METTL25: variants seen among roughly 807,000 people sequenced by gnomAD.
METTL25 encodes the protein probable methyltransferase-like protein 25.
METTL25 carries 64 observed loss-of-function variants against 71.6 expected under a neutral mutation model. The observed-to-expected ratio is 0.89, with a 90% CI of 0.73 to 1.10. The LOEUF is 1.10. Among genes scored for constraint, METTL25 ranks in the 50% least tolerant of loss-of-function variants. The pLI, the probability that METTL25 is intolerant of heterozygous loss-of-function variation, is 0.00. For synonymous variants in METTL25, 287 were observed against 250.3 expected (o/e 1.15, Z -1.38); for missense variants, 807 against 707.0 (o/e 1.14, Z -1.60).
At chr12:82,398,379 C>T (rs1247545093) in intron 3 of METTL25, among the ~76,000 whole-genome samples, 1 of 151,828 alleles carries the variant, frequency 6.6e-6, no homozygotes, top group Non-Finnish European at 1.5e-5. Flanking sequence ...CCAAGCTTGA[C>T]TCCTAATTGT....
chr12:82,450,124 T>C (rs1463347862), intron 8 of METTL25, among the ~76,000 whole-genome samples: 1 of 152,178 alleles, frequency 6.6e-6, no homozygotes. Flanking sequence ...TCACTCTTGT[T>C]CTTTTTCCAG....
At chr12:82,387,690 G>GTA (rs1340513598) in intron 2 of METTL25, among the ~76,000 whole-genome samples, 2 of 139,974 alleles carry the variant, frequency 1.4e-5, no homozygotes, top group African/African-American at 5.3e-5. Context: ...CACATTTGTT[G>GTA]TAGTTCTCTT....
At chr12:82,403,918 C>T (rs910447963) in intron 5 of METTL25, among the ~76,000 whole-genome samples, 1 of 152,000 alleles carries the variant, frequency 6.6e-6, no homozygotes, top group Non-Finnish European at 1.5e-5. Context: ...AGTTTTAGAT[C>T]GGGAATTTTT....
chr12:82,383,689 C>T (rs1004342383), intron 1 of METTL25, among the ~76,000 whole-genome samples: 14 of 152,080 alleles, frequency 9.2e-5, no homozygotes, highest in Non-Finnish European at 1.5e-4. Flanking sequence ...GGATGACAGA[C>T]ATTTATTTTT....
chr12:82,394,466 T>C (rs1458598752), intron 3 of METTL25, among the ~76,000 whole-genome samples: 1 of 152,038 alleles, frequency 6.6e-6, no homozygotes, highest in African/African-American at 2.4e-5. Context: ...CACCTTTGTC[T>C]CTTTCATTCA....
intron 4 of METTL25, among the ~76,000 whole-genome samples, chr12:82,401,103 G>C (rs914246763): frequency 2.6e-5 from 4 of 151,956 alleles, no homozygotes; most frequent in African/African-American, 9.7e-5. Context: ...TATAAACTGT[G>C]CTTTGAAAAG....
intron 5 of METTL25, among the ~76,000 whole-genome samples, chr12:82,422,934 A>G (rs375991920): frequency 2.6e-5 from 4 of 152,178 alleles, no homozygotes; most frequent in Admixed American, 6.6e-5. Flanking sequence ...ATGCTCATGG[A>G]TAGGAAGAAT....
chr12:82,461,856 C>T (rs1289824879), intron 9 of METTL25, among the ~76,000 whole-genome samples: 5 of 152,140 alleles, frequency 3.3e-5, no homozygotes, highest in East Asian at 1.9e-4. Flanking sequence ...TGCGATCTAA[C>T]GCATAGAATA....
chr12:82,370,582 T>A (rs985536989), intron 1 of METTL25, among the ~76,000 whole-genome samples: 1 of 152,222 alleles, frequency 6.6e-6, no homozygotes, highest in Non-Finnish European at 1.5e-5. Flanking sequence ...TTTTGGACAG[T>A]CACTGCTGCC....
At chr12:82,427,730 G>T (rs146891805) in intron 5 of METTL25, among the ~76,000 whole-genome samples, 2 of 152,026 alleles carry the variant, frequency 1.3e-5, no homozygotes, top group African/African-American at 4.8e-5. Context: ...GTATTCCTGA[G>T]ATATTGTTTC....
intron 5 of METTL25, among the ~76,000 whole-genome samples, chr12:82,412,641 A>G (rs1305079657): frequency 6.6e-6 from 1 of 152,144 alleles, no homozygotes; most frequent in Non-Finnish European, 1.5e-5. Flanking sequence ...TTAAGCTGCA[A>G]ATCACCTTAA....
chr12:82,407,240 A>G (rs1162066093), intron 5 of METTL25, among the ~76,000 whole-genome samples: 1 of 152,152 alleles, frequency 6.6e-6, no homozygotes, highest in East Asian at 1.9e-4. Flanking sequence ...TTTGCACACT[A>G]GAAATGGAAG....
At chr12:82,363,696 C>T (rs76525397) in intron 1 of METTL25, among the ~76,000 whole-genome samples, 4,498 of 149,764 alleles carry the variant, frequency 0.03, 106 homozygotes, top group Non-Finnish European at 0.048. Flanking sequence ...AAAGTATCTG[C>T]CATTCCATTT....
At chr12:82,428,272 C>G (rs937449131) in intron 5 of METTL25, among the ~76,000 whole-genome samples, 1 of 151,804 alleles carries the variant, frequency 6.6e-6, no homozygotes, top group Non-Finnish European at 1.5e-5. Context: ...CCTCTAGTCT[C>G]AGCAGTTGAG....
In METTL25 at chr12:82,358,648, G is replaced by A. The variant is rs772162570; in HGVS notation, c.83G>A (p.Arg28Lys). ...AKLQGLLQFL[R>K]DALSISNAHT... is the part of the protein sequence containing the mutation. Reference sequence around the variant, plus strand: ...TTGCAGGGACTGCTGCAGTTCCTGAGGGATGCCCTGTCCATTTCCAATGCA... The same window carrying A: ...TTGCAGGGACTGCTGCAGTTCCTGAAGGATGCCCTGTCCATTTCCAATGCA... Residue 28 changes from arginine to lysine, a missense_variant, in exon 1 of 12, where the codon AGG becomes AAG. Physicochemically the swap from Arg to Lys is conservative, Grantham distance 26. Coordinates refer to ENST00000248306, the MANE Select transcript of METTL25 (RefSeq NM_032230.3). The A allele has an allele frequency of 6.2e-7, 1 of 1,614,150 alleles. No homozygotes were observed. Among genetic ancestry groups the A allele is most frequent in the Non-Finnish European group, 8.5e-7 (1 of 1,180,048 alleles).
At chr12:82,415,661 A>C (rs1169865295) in intron 5 of METTL25, among the ~76,000 whole-genome samples, 1 of 152,122 alleles carries the variant, frequency 6.6e-6, no homozygotes, top group Non-Finnish European at 1.5e-5. Flanking sequence ...CAGCTTATGC[A>C]GTGAGGTAGT....
chr12:82,441,410 G>A (rs571157498), intron 8 of METTL25, among the ~76,000 whole-genome samples: 1 of 151,676 alleles, frequency 6.6e-6, no homozygotes, highest in Non-Finnish European at 1.5e-5. Context: ...GTACCCTTAG[G>A]AAAGCCAGAG....
chr12:82,430,821 G>C (rs1331510234), intron 5 of METTL25, 72 bp from the exon 6 acceptor site: 2 of 790,612 alleles, frequency 2.5e-6, no homozygotes, highest in African/African-American at 3.6e-5. Context: ...TTGCTTTCTT[G>C]GTAGATTATT....
chr12:82,396,005 C>T (rs1359266988), intron 3 of METTL25, among the ~76,000 whole-genome samples: 1 of 151,970 alleles, frequency 6.6e-6, no homozygotes, highest in Non-Finnish European at 1.5e-5. Flanking sequence ...AACAACAGAC[C>T]ACATATAAGA....
Sources: gnomAD v4.1 joint callset for allele counts (sites outside exome capture counted in the v4.1 genomes callset) on GRCh38, gnomAD v4.1.1 for gene constraint, MANE v1.5 for transcripts, NCBI Gene and HGNC (gene_info 2026-07-23, HGNC 2026-07-21) for gene names.